The following SLCO3A1 variants were observed in gnomAD, a reference collection of about 807,000 sequenced individuals.
The protein encoded by SLCO3A1 is PGE1 transporter.
Under a neutral mutation model 63.1 loss-of-function variants are expected in SLCO3A1, and 27 were observed. That is an observed-to-expected ratio of 0.43 (90% CI 0.32 to 0.59). The LOEUF is 0.59. Ranked by LOEUF, SLCO3A1 falls within the 20% of genes least tolerant of loss-of-function variation. SLCO3A1 has a pLI of 0.09. For synonymous variants in SLCO3A1, 473 were observed against 409.9 expected (o/e 1.15, Z -1.86); for missense variants, 773 against 945.8 (o/e 0.82, Z 2.40).
rs767692415 is a variant in SLCO3A1, at chr15:91,948,272, C to G, written c.646+31814C>G. ...AGAATACAACCAGCTGGTCCCTCCA[C>G]AGTGGGCTCAAATGTGACCCTGCGT... On this transcript the variant is annotated intron_variant, in intron 2 of 9. Transcript: ENST00000318445. The surrounding 1 kb of genome is among the most constrained non-coding windows in gnomAD (Gnocchi z 4.8). Among the ~76,000 whole-genome samples the G allele has an allele frequency of 1.2e-4, 19 of 152,178 alleles. No homozygotes were observed. Among genetic ancestry groups the G allele is most frequent in the Non-Finnish European group, 1.9e-4 (13 of 68,034 alleles).
At chr15:91,931,688 C>G (rs955819782) in intron 2 of SLCO3A1, among the ~76,000 whole-genome samples, 1 of 151,944 alleles carries the variant, frequency 6.6e-6, no homozygotes, top group African/African-American at 2.4e-5. Flanking sequence ...TCAGGCTGGT[C>G]TCCAGCTCTT....
rs1483192366 is a variant in SLCO3A1 at position 92,128,498 on chromosome 15, A to G, written c.1512+9A>G. The G allele has an allele frequency of 6.4e-7, 1 of 1,566,988 alleles. No homozygotes were observed. Among genetic ancestry groups the G allele is most frequent in the Non-Finnish European group, 8.6e-7 (1 of 1,164,238 alleles). ...CTGGCTGCAACAGCACGGTAATGGG[A>G]TGGGGCAGGGGATGGGGCAGGGGAT... is the stretch of plus-strand genomic sequence containing the variant. On this transcript the variant is annotated intron_variant, in intron 7 of 9. Transcript: ENST00000318445.
chr15:92,154,543 C>G (rs1043024550), intron 9 of SLCO3A1, among the ~76,000 whole-genome samples: 2 of 152,156 alleles, frequency 1.3e-5, no homozygotes, highest in African/African-American at 4.8e-5. Context: ...TGATGCACCA[C>G]CCTCATGGGT....
At chr15:92,063,298 C>G (rs768423422) in intron 2 of SLCO3A1, among the ~76,000 whole-genome samples, 1 of 152,144 alleles carries the variant, frequency 6.6e-6, no homozygotes, top group Non-Finnish European at 1.5e-5. Flanking sequence ...CATTTCAGTC[C>G]AAACCCTGGA....
At position 92,120,727 on chromosome 15, in the gene SLCO3A1, G is replaced by T. The variant is rs913654319; in HGVS notation, c.1174+98G>T. 3.0e-5 allele frequency: 29 copies of T among 974,482 alleles called. No individual in the cohort carries two copies. The African/African-American group carries it at 4.5e-4, about 15-fold the overall frequency. 60.4% of individuals were successfully genotyped at this position (974,482 alleles called of 1,614,324 possible). The stretch of plus-strand genomic sequence containing the variant: ...GAGCCCTGCTGAAGAACCCCACTCT[G>T]CTCTGGGCCTACAGCAACAAGATAT... On this transcript the variant is annotated intron_variant, in intron 5 of 9. Transcript: ENST00000318445.
chr15:91,915,437 G>A (rs1410358302), intron 1 of SLCO3A1, among the ~76,000 whole-genome samples: 1 of 152,164 alleles, frequency 6.6e-6, no homozygotes, highest in Non-Finnish European at 1.5e-5. Context: ...ATTTCCAGAC[G>A]GAAGCAAAGA....
chr15:92,147,456 G>A (rs1157525865), intron 8 of SLCO3A1, among the ~76,000 whole-genome samples: 4 of 152,120 alleles, frequency 2.6e-5, no homozygotes, highest in East Asian at 3.9e-4. Context: ...ACGCAGCCTC[G>A]TTGGAGGAAA....
intron 2 of SLCO3A1, among the ~76,000 whole-genome samples, chr15:92,078,372 C>G (rs766160478): frequency 3.9e-5 from 6 of 152,226 alleles, no homozygotes; most frequent in Non-Finnish European, 8.8e-5. Flanking sequence ...TAGCAGGTGT[C>G]TCCCTGAGGC....
At chr15:91,908,992 CAG>C (rs1898399429) in intron 1 of SLCO3A1, among the ~76,000 whole-genome samples, 3 of 152,166 alleles carry the variant, frequency 2.0e-5, no homozygotes, top group South Asian at 4.1e-4. Context: ...ATCTGGGAGA[CAG>C]AGGTTGCAGT....
In SLCO3A1 at chr15:91,954,359, A is replaced by G; in HGVS notation, c.646+37901A>G. Among the ~76,000 whole-genome samples the G allele has an allele frequency of 6.6e-6, 1 of 152,212 alleles. No homozygotes were observed. The highest frequency in any genetic ancestry group is 1.5e-5 in the Non-Finnish European group (1 of 68,040). On this transcript the variant is annotated intron_variant, in intron 2 of 9. Coordinates refer to ENST00000318445, the MANE Select transcript of SLCO3A1 (RefSeq NM_013272.4). This position sits in a 1 kb window ranked among gnomAD's most constrained non-coding sequence, Gnocchi z 4.7. ...CCTGAATGCCATCTGCAGGACGGGC[A>G]CTGTGCTGAGCCTCAGCCAGGCGGA... is the stretch of plus-strand genomic sequence containing the variant.
chr15:92,143,477 T>TAA (rs2048177182), intron 7 of SLCO3A1, among the ~76,000 whole-genome samples: 1 of 57,588 alleles, frequency 1.7e-5, no homozygotes, highest in Non-Finnish European at 2.9e-5. Flanking sequence ...TAAATATATA[T>TAA]ATATATTATA....
chr15:91,903,428 C>T (rs1353892799), intron 1 of SLCO3A1, among the ~76,000 whole-genome samples: 2 of 152,188 alleles, frequency 1.3e-5, no homozygotes, highest in Admixed American at 6.5e-5. Flanking sequence ...TCTCTTGTTT[C>T]GGGCACTTCA....
intron 2 of SLCO3A1, among the ~76,000 whole-genome samples, chr15:91,959,799 C>T (rs932078484): frequency 7.3e-5 from 11 of 151,172 alleles, no homozygotes; most frequent in Non-Finnish European, 1.3e-4. Context: ...TAGAGTTGTG[C>T]AACCATTAGC....
chr15:92,030,511 T>C (rs2151479031), intron 2 of SLCO3A1, among the ~76,000 whole-genome samples: 1 of 152,314 alleles, frequency 6.6e-6, no homozygotes, highest in African/African-American at 2.4e-5. Context: ...CCTGGTGTCT[T>C]TTCTGCTGAT....
intron 2 of SLCO3A1, among the ~76,000 whole-genome samples, chr15:91,958,820 G>A (rs749792865): frequency 3.9e-5 from 6 of 152,134 alleles, no homozygotes; most frequent in African/African-American, 7.2e-5. Context: ...CACTGCTAGC[G>A]GGAATGTAAG....
At position 91,972,989 on chromosome 15, in the gene SLCO3A1, C is replaced by T. The variant is rs536322683; in HGVS notation, c.646+56531C>T. Among the ~76,000 whole-genome samples the T allele has an allele frequency of 2.0e-5, 3 of 152,326 alleles. No homozygotes were observed. The East Asian group carries it at 5.8e-4, about 29-fold the overall frequency. ...TACAAAAATCAGCTAAGCATGGTGG[C>T]ATGCACTTGTAGTCCCAGCTACTAG... is the stretch of plus-strand genomic sequence containing the variant. On this transcript the variant is annotated intron_variant, in intron 2 of 9. Transcript: ENST00000318445.
intron 2 of SLCO3A1, among the ~76,000 whole-genome samples, chr15:92,030,128 T>C (rs2046628467): frequency 6.6e-6 from 1 of 152,248 alleles, no homozygotes; most frequent in South Asian, 2.1e-4. Context: ...TGGCTTAAAA[T>C]TGAATGCGAT....
intron 2 of SLCO3A1, among the ~76,000 whole-genome samples, chr15:92,039,118 G>A (rs953758960): frequency 5.9e-5 from 9 of 152,004 alleles, no homozygotes; most frequent in South Asian, 2.1e-4. Context: ...ACCCAAAACC[G>A]GAAAAACCCT....
intron 2 of SLCO3A1, among the ~76,000 whole-genome samples, chr15:91,922,091 A>G (rs1048548165): frequency 3.3e-5 from 5 of 152,154 alleles, no homozygotes; most frequent in Admixed American, 6.5e-5. Context: ...GTTCTGTGCA[A>G]TTGTATCAAA....
Sources: allele counts gnomAD v4.1 joint callset (sites outside exome capture counted in the v4.1 genomes callset), GRCh38; gene constraint gnomAD v4.1.1; non-coding constraint Gnocchi (gnomAD v3.1); transcripts MANE v1.5; gene names NCBI Gene and HGNC (gene_info 2026-07-23, HGNC 2026-07-21).